Variants in ACSM6 observed in about 807,000 individuals in gnomAD.
ACSM6 encodes the protein acyl-CoA synthetase medium chain family member 6, also known as acyl-coenzyme A synthetase ACSM6, mitochondrial.
Under a neutral mutation model 51.1 loss-of-function variants are expected in ACSM6, and 35 were observed. That is an observed-to-expected ratio of 0.69 (90% CI 0.52 to 0.91). The LOEUF is 0.91. ACSM6 is among the 40% of genes least tolerant of loss of function. The pLI is 0.00. For missense variants in ACSM6, 509 were observed against 584.1 expected (o/e 0.87, Z 1.32); for synonymous variants, 172 against 207.3 (o/e 0.83, Z 1.46).
At chr10:95,195,996 G>GCCCAC (rs66656905) in intron 2 of ACSM6, among the ~76,000 whole-genome samples, 8 of 150,730 alleles carry the variant, frequency 5.3e-5, no homozygotes, top group South Asian at 2.1e-4. Flanking sequence ...CTCTTGGGGT[G>GCCCAC]CCCTCCCCAC....
rs529216463 is a variant in ACSM6 at position 95,215,106 on chromosome 10, C to G, written c.1119+131C>G. On this transcript the variant is annotated intron_variant, in intron 8 of 10. Transcript: ENST00000341686. ...TCTTAAGCACAGGAAGAGGAAATGG[C>G]TTAAACTAGGGAGACCCCTCTTCCA... 1.6e-4 allele frequency: 172 copies of G among 1,101,814 alleles called. No individual in the cohort carries two copies. In the Middle Eastern group the frequency reaches 3.5e-3, roughly 22 times the overall value. 68.3% of individuals were successfully genotyped at this position (1,101,814 alleles called of 1,614,324 possible).
At chr10:95,219,769 A>T in intron 8 of ACSM6, 122 bp from the exon 9 acceptor site, 2 of 665,568 alleles carry the variant, frequency 3.0e-6, no homozygotes, top group South Asian at 2.3e-5. Flanking sequence ...AATCAAGATT[A>T]CTTGTTAGAC....
intron 9 of ACSM6, among the ~76,000 whole-genome samples, chr10:95,221,587 A>C (rs1237734282): frequency 6.6e-6 from 1 of 151,378 alleles, no homozygotes; most frequent in East Asian, 2.0e-4. Context: ...ACTCCATCTC[A>C]AAAAAAAAGA....
intron 2 of ACSM6, among the ~76,000 whole-genome samples, chr10:95,200,555 GAAA>G (rs2034783820): frequency 1.9e-5 from 2 of 105,744 alleles, no homozygotes; most frequent in Admixed American, 9.3e-5. Context: ...AAAAGAAGAA[GAAA>G]GAAGAGGAAG....
intron 8 of ACSM6, among the ~76,000 whole-genome samples, chr10:95,217,784 T>G (rs1045926472): frequency 6.6e-6 from 1 of 152,210 alleles, no homozygotes; most frequent in Admixed American, 6.5e-5. Flanking sequence ...GCTATGTAGT[T>G]CCATATGGCT....
At chr10:95,207,836 A>ATGG (rs2034858198) in intron 4 of ACSM6, among the ~76,000 whole-genome samples, 1 of 152,234 alleles carries the variant, frequency 6.6e-6, no homozygotes, top group African/African-American at 2.4e-5. Flanking sequence ...ATGGTCGCAC[A>ATGG]TGGTGGCTCA....
chr10:95,219,265 A>G (rs1041014736), intron 8 of ACSM6, among the ~76,000 whole-genome samples: 1 of 152,206 alleles, frequency 6.6e-6, no homozygotes, highest in Non-Finnish European at 1.5e-5. Flanking sequence ...TTGAATTCCC[A>G]TGCATCCACT....
chr10:95,199,432 T>C (rs2034768880), intron 2 of ACSM6, among the ~76,000 whole-genome samples: 1 of 152,170 alleles, frequency 6.6e-6, no homozygotes, highest in Non-Finnish European at 1.5e-5. Context: ...ATTCAGGACA[T>C]AGGCATGGGC....
At chr10:95,212,909 C>G in exon 7 of ACSM6, 1 of 1,613,480 alleles carries the variant, frequency 6.2e-7, no homozygotes, top group East Asian at 2.2e-5. Context: ...AGAGATGTAC[C>G]AGGAACTGCT....
intron 6 of ACSM6, 133 bp downstream of exon 6, chr10:95,212,167 C>T (rs2034899426): frequency 9.2e-7 from 1 of 1,081,338 alleles, no homozygotes; most frequent in Admixed American, 2.2e-5. Context: ...CTTGAAGATG[C>T]TCTCCCTGCT....
exon 4 of ACSM6, chr10:95,207,394 T>G: frequency 6.2e-7 from 1 of 1,614,166 alleles, no homozygotes; most frequent in Non-Finnish European, 8.5e-7. Flanking sequence ...GATGGGTGGT[T>G]GGATTTCAAG....
chr10:95,203,882 A>AG (rs2034817722), intron 3 of ACSM6, among the ~76,000 whole-genome samples: 1 of 140,016 alleles, frequency 7.1e-6, no homozygotes. Context: ...AAAAAAAAAA[A>AG]CTGAAAAGTG....
At chr10:95,200,108 C>A (rs2034776590) in intron 2 of ACSM6, among the ~76,000 whole-genome samples, 7 of 152,128 alleles carry the variant, frequency 4.6e-5, no homozygotes, top group South Asian at 2.1e-4. Context: ...AAATGTCCAA[C>A]AATGATAGAC....
chr10:95,228,751 T>C, exon 11 of ACSM6: 2 of 1,551,660 alleles, frequency 1.3e-6, no homozygotes, highest in Non-Finnish European at 1.7e-6. Context: ...GTAGAGTTGA[T>C]GATGTTGCCA....
At chr10:95,202,065 G>A in exon 3 of ACSM6, 1 of 1,551,860 alleles carries the variant, frequency 6.4e-7, no homozygotes, top group African/African-American at 1.4e-5. Context: ...TTGAAAGGAT[G>A]ACTCAACTCT....
chr10:95,194,994 A>AAT (rs1415411566), intron 2 of ACSM6, among the ~76,000 whole-genome samples: 1 of 152,248 alleles, frequency 6.6e-6, no homozygotes, highest in East Asian at 1.9e-4. Context: ...TAAATGAGAC[A>AAT]ATCAATAAAA....
chr10:95,208,385 T>C (rs1000522151), intron 4 of ACSM6, among the ~76,000 whole-genome samples: 8 of 152,160 alleles, frequency 5.3e-5, no homozygotes, highest in Admixed American at 5.2e-4. Context: ...GTACACCATT[T>C]TGGTGATGGT....
At chr10:95,220,689 GATA>G (rs2034987748) in intron 9 of ACSM6, among the ~76,000 whole-genome samples, 1 of 152,084 alleles carries the variant, frequency 6.6e-6, no homozygotes, top group Non-Finnish European at 1.5e-5. Context: ...TTTTGTTAAA[GATA>G]ATGTTTACTG....
intron 2 of ACSM6, 83 bp from the exon 3 acceptor site, chr10:95,201,902 A>T (rs988549681): frequency 1.7e-6 from 2 of 1,182,612 alleles, no homozygotes; most frequent in Non-Finnish European, 2.4e-6. Context: ...TAGCCACTTG[A>T]GGGTGCTGTC....
Sources: gnomAD v4.1 joint callset for allele counts (sites outside exome capture counted in the v4.1 genomes callset) on GRCh38, gnomAD v4.1.1 for gene constraint, MANE v1.5 for transcripts, NCBI Gene and HGNC (gene_info 2026-07-23, HGNC 2026-07-21) for gene names.